The following PARD3 variants were observed in gnomAD, a reference collection of about 807,000 sequenced individuals.
The protein encoded by PARD3 is par-3 family cell polarity regulator, also known as partitioning defective 3 homolog.
Under a neutral mutation model 155.4 loss-of-function variants are expected in PARD3, and 75 were observed. The observed-to-expected ratio is 0.48, with a 90% confidence interval of 0.40 to 0.58. The LOEUF (loss-of-function observed/expected upper bound fraction) is 0.58. Ranked by LOEUF, PARD3 falls within the 20% of genes least tolerant of loss-of-function variation. PARD3 has a pLI of 0.00. For missense variants in PARD3, 1,642 were observed against 1,721.7 expected (o/e 0.95, Z 0.82); for synonymous variants, 576 against 610.5 (o/e 0.94, Z 0.83).
chr10:34,458,583 C>T (rs2077455994), intron 4 of PARD3, among the ~76,000 whole-genome samples: 1 of 152,128 alleles, frequency 6.6e-6, no homozygotes, highest in Non-Finnish European at 1.5e-5. Flanking sequence ...CCACTGCAAT[C>T]CAGTCTGGGC....
At chr10:34,254,229 A>C (rs559538066) in intron 22 of PARD3, among the ~76,000 whole-genome samples, 3 of 152,124 alleles carry the variant, frequency 2.0e-5, no homozygotes, top group Admixed American at 6.5e-5. Context: ...AAAATACAAA[A>C]ATTAGCTGGG....
chr10:34,486,308 G>A (rs1020720381), intron 3 of PARD3, among the ~76,000 whole-genome samples: 1 of 152,148 alleles, frequency 6.6e-6, no homozygotes, highest in Non-Finnish European at 1.5e-5. Flanking sequence ...GCCCGAACTA[G>A]TTTTCAGGTT....
chr10:34,663,629 T>C (rs950257565), intron 2 of PARD3, among the ~76,000 whole-genome samples: 2 of 152,080 alleles, frequency 1.3e-5, no homozygotes, highest in South Asian at 4.1e-4. Context: ...TCCAAGCATC[T>C]GATTTTAGAC....
intron 2 of PARD3, among the ~76,000 whole-genome samples, chr10:34,556,546 C>A (rs571881429): frequency 6.6e-6 from 1 of 152,148 alleles, no homozygotes; most frequent in East Asian, 1.9e-4. Context: ...CCACGCCCGG[C>A]TAATTTTTTG....
At chr10:34,381,912 CA>C (rs202053812) in intron 9 of PARD3, among the ~76,000 whole-genome samples, 177 of 71,796 alleles carry the variant, frequency 2.5e-3, no homozygotes, top group African/African-American at 4.7e-3. Flanking sequence ...GGCCCTGTCT[CA>C]AAAAAAAAAA....
chr10:34,148,354 G>A (rs959274853), intron 22 of PARD3, among the ~76,000 whole-genome samples: 1 of 152,040 alleles, frequency 6.6e-6, no homozygotes, highest in Non-Finnish European at 1.5e-5. Flanking sequence ...ATACCGTTTT[G>A]TTTTGTCTTT....
At chr10:34,263,460 C>A (rs111817131) in intron 22 of PARD3, among the ~76,000 whole-genome samples, 5,808 of 151,994 alleles carry the variant, frequency 0.038, 319 homozygotes, top group African/African-American at 0.13. Flanking sequence ...AGTTTGAGAC[C>A]AGCCTGGGCA....
chr10:34,342,301 A>C (rs1239253360), intron 15 of PARD3, among the ~76,000 whole-genome samples: 1 of 152,228 alleles, frequency 6.6e-6, no homozygotes, highest in Non-Finnish European at 1.5e-5. Flanking sequence ...AATTACAAGC[A>C]GTGATAATTA....
intron 2 of PARD3, among the ~76,000 whole-genome samples, chr10:34,601,268 GA>G (rs61230086): frequency 0.46 from 56,421 of 123,084 alleles, 11,179 homozygotes; most frequent in African/African-American, 0.5. Context: ...TCTCTACAAA[GA>G]AAAAAAAAAA....
chr10:34,487,583 T>C (rs2079560174), intron 3 of PARD3, among the ~76,000 whole-genome samples: 1 of 150,992 alleles, frequency 6.6e-6, no homozygotes, highest in African/African-American at 2.5e-5. Context: ...GGACAAAGAA[T>C]TGCCGCTTCA....
rs1050784040 is a variant in PARD3, at chr10:34,109,758, G to A, written c.*1411C>T. 2 of 152,068 alleles carry A rather than the reference G, an allele frequency of 1.3e-5. No homozygotes were observed. Among genetic ancestry groups the A allele is most frequent in the African/African-American group, 2.4e-5 (1 of 41,386 alleles). 9.4% of individuals were successfully genotyped at this position (152,068 alleles called of 1,614,324 possible). ...AGAAATGCAGAAGAGACACGGGTAC[G>A]TGTGTGGACACATCATTTCTAAAAA... On this transcript the variant is annotated 3_prime_UTR_variant, in exon 25 of 25. Transcript: ENST00000374788.
At chr10:34,562,556 C>T (rs1310455895) in intron 2 of PARD3, among the ~76,000 whole-genome samples, 5 of 152,154 alleles carry the variant, frequency 3.3e-5, no homozygotes, top group Non-Finnish European at 7.4e-5. Flanking sequence ...TCTGCTTTTC[C>T]ATCTTCCAAG....
At chr10:34,438,567 A>G (rs2076303252) in intron 5 of PARD3, among the ~76,000 whole-genome samples, 1 of 152,222 alleles carries the variant, frequency 6.6e-6, no homozygotes, top group Non-Finnish European at 1.5e-5. Context: ...AATACATGAT[A>G]TCAGAAAAAG....
At chr10:34,404,647 T>C (rs1378256364) in intron 5 of PARD3, among the ~76,000 whole-genome samples, 1 of 151,886 alleles carries the variant, frequency 6.6e-6, no homozygotes, top group Admixed American at 6.6e-5. Context: ...CATAGCAGAG[T>C]ACAGACATTA....
intron 2 of PARD3, among the ~76,000 whole-genome samples, chr10:34,600,368 T>C (rs2089658004): frequency 6.6e-6 from 1 of 151,664 alleles, no homozygotes; most frequent in South Asian, 2.1e-4. Context: ...ATCCATTAAT[T>C]AATTAAAATA....
intron 22 of PARD3, among the ~76,000 whole-genome samples, chr10:34,154,214 T>C (rs568896649): frequency 6.6e-6 from 1 of 152,300 alleles, no homozygotes; most frequent in Admixed American, 6.5e-5. Flanking sequence ...TAAATGATCA[T>C]GTGTATCGTG....
chr10:34,707,600 C>T (rs2094385460), intron 1 of PARD3, among the ~76,000 whole-genome samples: 1 of 152,214 alleles, frequency 6.6e-6, no homozygotes. Flanking sequence ...CTTCTATACA[C>T]TACGTTTTAG....
At chr10:34,800,146 A>G (rs1163469036) in intron 1 of PARD3, among the ~76,000 whole-genome samples, 1 of 151,534 alleles carries the variant, frequency 6.6e-6, no homozygotes, top group East Asian at 1.9e-4. Context: ...CTTCCCAAAA[A>G]AAAAAAAAGT....
chr10:34,329,182 G>C (rs1835354038), intron 19 of PARD3, among the ~76,000 whole-genome samples: 1 of 152,124 alleles, frequency 6.6e-6, no homozygotes, highest in Admixed American at 6.5e-5. Context: ...CACTCTGGAG[G>C]CTATCCCTAC....
Sources: allele counts gnomAD v4.1 joint callset (sites outside exome capture counted in the v4.1 genomes callset), GRCh38; gene constraint gnomAD v4.1.1; transcripts MANE v1.5; gene names NCBI Gene and HGNC (gene_info 2026-07-23, HGNC 2026-07-21).